The following CCSER1 variants were observed in gnomAD, a reference collection of about 807,000 sequenced individuals.
CCSER1 encodes serine-rich coiled-coil domain-containing protein 1.
In CCSER1, 41 loss-of-function variants were observed where a neutral mutation model predicts 82.0. That is an observed-to-expected ratio of 0.50 (90% confidence interval 0.39 to 0.65). CCSER1 has a LOEUF of 0.65. Ranked by LOEUF, CCSER1 falls within the 30% of genes least tolerant of loss-of-function variation. The pLI, the probability that CCSER1 is intolerant of heterozygous loss-of-function variation, is 0.00. For missense variants in CCSER1, 1,119 were observed against 1,064.2 expected, an observed-to-expected ratio of 1.05 and a Z score of -0.72; for synonymous variants, 414 against 383.9, an observed-to-expected ratio of 1.08 and a Z score of -0.92.
intron 8 of CCSER1, among the ~76,000 whole-genome samples, chr4:90,843,738 A>G (rs576724893): frequency 2.0e-4 from 30 of 152,286 alleles, no homozygotes; most frequent in Non-Finnish European, 1.2e-4. Context: ...TTTTAAAAAC[A>G]AATCTTTTTT....
chr4:90,412,110 T>C (rs996682629), intron 4 of CCSER1, among the ~76,000 whole-genome samples: 2 of 151,978 alleles, frequency 1.3e-5, no homozygotes, highest in African/African-American at 2.4e-5. Flanking sequence ...GTGGCACATA[T>C]ATACCATGGA....
At chr4:90,746,764 G>A (rs552594697) in intron 7 of CCSER1, among the ~76,000 whole-genome samples, 1 of 152,150 alleles carries the variant, frequency 6.6e-6, no homozygotes, top group Non-Finnish European at 1.5e-5. Flanking sequence ...AAAGTTTTAG[G>A]TACTGAAAAC....
At chr4:90,734,503 A>G (rs1301403555) in intron 7 of CCSER1, among the ~76,000 whole-genome samples, 1 of 151,020 alleles carries the variant, frequency 6.6e-6, no homozygotes, top group Non-Finnish European at 1.5e-5. Context: ...TCAGTGTTTT[A>G]TGGTTTTCAT....
chr4:90,408,292 T>A (rs1259829868), intron 4 of CCSER1, among the ~76,000 whole-genome samples: 1 of 152,184 alleles, frequency 6.6e-6, no homozygotes, highest in Non-Finnish European at 1.5e-5. Flanking sequence ...GTAGTGATTC[T>A]CCCAGCACGC....
chr4:90,739,521 C>T (rs1404783496), intron 7 of CCSER1, among the ~76,000 whole-genome samples: 4 of 152,174 alleles, frequency 2.6e-5, no homozygotes, highest in Non-Finnish European at 5.9e-5. Flanking sequence ...CCAAGTTTAG[C>T]ACCAGGACTT....
intron 10 of CCSER1, among the ~76,000 whole-genome samples, chr4:91,477,631 A>G (rs1439999697): frequency 6.6e-6 from 1 of 151,810 alleles, no homozygotes; most frequent in Non-Finnish European, 1.5e-5. Flanking sequence ...AGTTATGGTT[A>G]TAATGCTAAA....
chr4:90,625,284 A>G (rs1475798865), intron 5 of CCSER1, among the ~76,000 whole-genome samples: 3 of 152,168 alleles, frequency 2.0e-5, no homozygotes, highest in Non-Finnish European at 2.9e-5. Flanking sequence ...TTTTAGGTGA[A>G]TTTACCCAGA....
chr4:91,385,219 T>C (rs1273102461), intron 10 of CCSER1, among the ~76,000 whole-genome samples: 3 of 151,876 alleles, frequency 2.0e-5, no homozygotes, highest in Admixed American at 6.6e-5. Context: ...AAACATACAA[T>C]GGAGTATTAA....
chr4:91,362,230 T>C (rs1749297962), intron 10 of CCSER1, among the ~76,000 whole-genome samples: 1 of 151,894 alleles, frequency 6.6e-6, no homozygotes, highest in East Asian at 1.9e-4. Flanking sequence ...GAAACAATTC[T>C]TCCCCTTTTT....
intron 3 of CCSER1, among the ~76,000 whole-genome samples, chr4:90,313,885 A>G (rs994969656): frequency 1.3e-5 from 2 of 152,224 alleles, no homozygotes; most frequent in African/African-American, 4.8e-5. Context: ...TTATCTAAAA[A>G]TGTTCCTTAA....
At chr4:90,181,738 C>T (rs1733767059) in intron 1 of CCSER1, among the ~76,000 whole-genome samples, 1 of 152,132 alleles carries the variant, frequency 6.6e-6, no homozygotes, top group South Asian at 2.1e-4. Flanking sequence ...TGTGAATTGG[C>T]AGACCCAGTG....
Position 90,308,378 on chromosome 4 carries a change from T to C in CCSER1, c.94T>C (p.Ser32Pro), listed in dbSNP as rs758995371. Residue 32 changes from serine to proline, a missense_variant, in exon 2 of 11, where the codon TCA becomes CCA. Physicochemically the swap from Ser to Pro is moderately conservative, Grantham distance 74 (BLOSUM62 -1). Transcript: ENST00000509176. ...CAGAAGACATGATTCTCTTCCTTCT[T>C]CACCTTCTTCCAGTAATACAGTTGG... The part of the protein sequence containing the change: ...INRRHDSLPS[S>P]PSSSNTVGVH... 5.0e-6 allele frequency: 8 copies of C among 1,613,710 alleles called. No homozygotes were observed. The highest frequency in any genetic ancestry group is 2.2e-5 in the East Asian group (1 of 44,852).
chr4:90,334,280 G>A (rs1384053042), intron 3 of CCSER1, among the ~76,000 whole-genome samples: 3 of 152,014 alleles, frequency 2.0e-5, no homozygotes, highest in African/African-American at 7.2e-5. Flanking sequence ...TATAATGAGG[G>A]TTTGGGTAGG....
chr4:91,581,720 ATAGTTT>A (rs1763734979), intron 10 of CCSER1, among the ~76,000 whole-genome samples: 3 of 151,632 alleles, frequency 2.0e-5, no homozygotes, highest in Admixed American at 6.6e-5. Context: ...AGCAGGACTT[ATAGTTT>A]TAATTTACTG....
At chr4:91,103,838 T>C (rs1320393366) in intron 10 of CCSER1, among the ~76,000 whole-genome samples, 1 of 152,068 alleles carries the variant, frequency 6.6e-6, no homozygotes, top group African/African-American at 2.4e-5. Context: ...AACCATAAGG[T>C]GTGACTGCCT....
intron 1 of CCSER1, among the ~76,000 whole-genome samples, chr4:90,258,342 G>A (rs942147936): frequency 6.6e-6 from 1 of 152,010 alleles, no homozygotes; most frequent in Non-Finnish European, 1.5e-5. Context: ...GTAACACCCC[G>A]TTTCTACTAA....
intron 1 of CCSER1, among the ~76,000 whole-genome samples, chr4:90,235,785 G>A (rs1220844885): frequency 6.6e-6 from 1 of 151,876 alleles, no homozygotes; most frequent in Non-Finnish European, 1.5e-5. Flanking sequence ...ATATCAAAAA[G>A]CTTACCAAGG....
intron 6 of CCSER1, among the ~76,000 whole-genome samples, chr4:90,702,567 C>T (rs769907039): frequency 6.6e-6 from 1 of 152,072 alleles, no homozygotes; most frequent in Non-Finnish European, 1.5e-5. Flanking sequence ...CTCCTTGTAC[C>T]ACTGCTAGAA....
chr4:91,583,532 A>C (rs960107637), intron 10 of CCSER1, among the ~76,000 whole-genome samples: 1 of 151,442 alleles, frequency 6.6e-6, no homozygotes, highest in Non-Finnish European at 1.5e-5. Flanking sequence ...CTCTAAGGAC[A>C]CACGCAGATT....
Sources: gnomAD v4.1 joint callset for allele counts (sites outside exome capture counted in the v4.1 genomes callset) on GRCh38, gnomAD v4.1.1 for gene constraint, MANE v1.5 for transcripts, NCBI Gene and HGNC (gene_info 2026-07-23, HGNC 2026-07-21) for gene names.